The following CLN3 variants were observed in gnomAD, a reference collection of about 807,000 sequenced individuals.
CLN3 encodes battenin.
A neutral mutation model predicts 60.7 loss-of-function variants in CLN3; 49 were observed. That is an observed-to-expected ratio of 0.81 (90% confidence interval 0.64 to 1.02). The LOEUF (loss-of-function observed/expected upper bound fraction) is 1.02, where lower values mean the gene tolerates loss of function less well. Ranked by LOEUF, CLN3 falls within the 50% of genes least tolerant of loss-of-function variation. CLN3 has a pLI of 0.00. For synonymous variants in CLN3, 256 were observed against 245.8 expected (o/e 1.04, Z -0.39); for missense variants, 516 against 557.4 (o/e 0.93, Z 0.75).
chr16:28,488,635 G>T lies in CLN3; in HGVS notation c.250C>A (p.His84Asn), dbSNP rs201329358. Residue 84 changes from histidine to asparagine, a missense_variant, in exon 5 of 16, where the codon CAC becomes AAC. By Grantham distance (68) the His-to-Asn change is moderately conservative. Transcript: ENST00000636147. ...CAGTCAAATCGTGATGAGCTGTTGT[G>T]GGGGATCGGCGTTGGGCCTGGGTCC... is the stretch of plus-strand genomic sequence containing the variant. Reference protein sequence around the residue: ...HVDPGPTPIPHNSSSRFDCNS... With the variant: ...HVDPGPTPIPNNSSSRFDCNS... 29 of 1,614,186 alleles carry T rather than the reference G, an allele frequency of 1.8e-5. No individual in the cohort carries two copies. The African/African-American group carries it at 3.6e-4, about 20-fold the overall frequency.
rs373490479 is a variant in CLN3 at position 28,481,454 on chromosome 16, GCA to G, written c.1056+649_1056+650del. 8.3e-3 allele frequency among the ~76,000 whole-genome samples: 1,076 copies of G among 129,144 alleles called. 7 individuals carry two copies. Among genetic ancestry groups the G allele is most frequent in the South Asian group, 0.022 (87 of 3,888 alleles). The allele number at this position is 129,144 out of a possible 152,430, so 84.7% of individuals were successfully genotyped here. On this transcript the variant is annotated intron_variant, in intron 14 of 15. Coordinates refer to ENST00000636147, the MANE Select transcript of CLN3 (RefSeq NM_001042432.2). The stretch of plus-strand genomic sequence containing the variant: ...CACACACACACACACACACACACAC[GCA>G]CACACACACACACACACACTACAAA...
rs1467517533 is a variant in CLN3, at chr16:28,488,672, G to A, written c.223-10C>T. On this transcript the variant is annotated splice_polypyrimidine_tract_variant and intron_variant, in intron 4 of 15. Coordinates refer to ENST00000636147, the MANE Select transcript of CLN3 (RefSeq NM_001042432.2). ...TTGGGCCTGGGTCCACCTAATGGGA[G>A]AAAAGCATGTCTTTCACCCTGGAGG... 4 of 1,613,816 alleles carry A rather than the reference G, an allele frequency of 2.5e-6. No individual in the cohort carries two copies. The Admixed American group carries it at 6.7e-5, about 27-fold the overall frequency.
chr16:28,479,268 A>G (rs1245367535), intron 14 of CLN3, among the ~76,000 whole-genome samples: 2 of 152,206 alleles, frequency 1.3e-5, no homozygotes, highest in Non-Finnish European at 2.9e-5. Flanking sequence ...AATCTGAGGT[A>G]GACTTAAAGA....
chr16:28,478,151 A>C (rs2046027840), intron 14 of CLN3, among the ~76,000 whole-genome samples: 2 of 151,792 alleles, frequency 1.3e-5, no homozygotes, highest in Non-Finnish European at 1.5e-5. Context: ...CTCAACTAAA[A>C]ATACAAAAAT....
chr16:28,481,458 A>ACACACACACACACG (rs2046094315), intron 14 of CLN3, among the ~76,000 whole-genome samples: 12 of 129,048 alleles, frequency 9.3e-5, no homozygotes, highest in Middle Eastern at 3.6e-3. Context: ...ACACACGCAC[A>ACACACACACACACG]CACACACACA....
At chr16:28,475,273 C>A (rs1396093841), downstream of CLN3, 2 of 152,276 alleles carry the variant, frequency 1.3e-5, no homozygotes, top group African/African-American at 4.8e-5. Context: ...AAACAAAAAA[C>A]AAGGCCTCCA....
chr16:28,491,547 G>A lies in CLN3; in HGVS notation c.60C>T (p.Val20=). The change falls in exon 3 of 16, where the codon GTC becomes GTT. Residue 20 remains valine, a synonymous_variant. Coordinates refer to ENST00000636147, the MANE Select transcript of CLN3 (RefSeq NM_001042432.2). ...RFSDSEGEET[V]PEPRLPLLDH... Reference sequence around the variant, plus strand: ...CCAACAGAGGGAGCCGGGGCTCCGGGACGGTCTCCTCCCCTGGGAGAGCGA... The same window carrying A: ...CCAACAGAGGGAGCCGGGGCTCCGGAACGGTCTCCTCCCCTGGGAGAGCGA... The A allele has an allele frequency of 6.2e-7, 1 of 1,614,060 alleles. No individual in the cohort carries two copies. The highest frequency in any genetic ancestry group is 8.5e-7 in the Non-Finnish European group (1 of 1,180,022).
downstream of CLN3, chr16:28,476,561 AT>A (rs995156608): frequency 2.6e-5 from 4 of 152,128 alleles, no homozygotes; most frequent in African/African-American, 9.6e-5. Context: ...ATAAAAAAAA[AT>A]AATAAAATAA....
downstream of CLN3, among the ~76,000 whole-genome samples, chr16:28,473,305 G>C (rs1206982480): frequency 6.6e-6 from 1 of 152,014 alleles, no homozygotes; most frequent in Non-Finnish European, 1.5e-5. Flanking sequence ...TGCCCAGACT[G>C]GTCTTGAACT....
In CLN3 at chr16:28,486,722, G is replaced by C. The variant is rs968775797; in HGVS notation, c.461-72C>G. On this transcript the variant is annotated intron_variant, in intron 7 of 15. Coordinates refer to ENST00000636147, the MANE Select transcript of CLN3 (RefSeq NM_001042432.2). Reference sequence around the variant, plus strand: ...ACTGCCCAGGCCTCTAATGTGTCTGGCCATGGCCTCCTCAGTATCAGCTCA... The same window carrying C: ...ACTGCCCAGGCCTCTAATGTGTCTGCCCATGGCCTCCTCAGTATCAGCTCA... 2.1e-6 allele frequency: 3 copies of C among 1,413,264 alleles called. No homozygotes were observed. In the African/African-American group the frequency reaches 4.3e-5, roughly 20 times the overall value. The allele number at this position is 1,413,264 out of a possible 1,614,324, so 87.5% of individuals were successfully genotyped here. A position where few individuals can be genotyped will look rare whatever the true frequency, so the allele number is the denominator to read the frequency against.
chr16:28,486,720 T>G, intron 7 of CLN3, 70 bp from the exon 8 acceptor site: 1 of 1,414,892 alleles, frequency 7.1e-7, no homozygotes, highest in South Asian at 1.2e-5. Flanking sequence ...CTAATGTGTC[T>G]GGCCATGGCC....
chr16:28,470,904 C>T (rs1182543033), downstream of CLN3, among the ~76,000 whole-genome samples: 9 of 113,638 alleles, frequency 7.9e-5, no homozygotes, highest in African/African-American at 2.2e-4. Flanking sequence ...AAACCTTCTT[C>T]GGTCTGGGCC....
intron 14 of CLN3, 132 bp downstream of exon 14, chr16:28,481,973 C>A: frequency 1.5e-6 from 1 of 645,978 alleles, no homozygotes; most frequent in African/African-American, 1.9e-5. Context: ...GACGACAGAG[C>A]GAGACTCTGT....
At chr16:28,488,843 C>A (rs890591642) in intron 4 of CLN3, among the ~76,000 whole-genome samples, 181 bp from the exon 5 acceptor site, 1 of 152,200 alleles carries the variant, frequency 6.6e-6, no homozygotes, top group Non-Finnish European at 1.5e-5. Flanking sequence ...GAGTCTCACA[C>A]TACTAGACCA....
chr16:28,474,892 C>T (rs2045978917), downstream of CLN3, among the ~76,000 whole-genome samples: 1 of 152,062 alleles, frequency 6.6e-6, no homozygotes, highest in African/African-American at 2.4e-5. Context: ...CACTTGAGGC[C>T]AGGAGTTCCA....
rs376160790 is a variant in CLN3 at position 28,486,560 on chromosome 16, C to T, written c.533+18G>A. The stretch of plus-strand genomic sequence containing the variant: ...CATGGGACAGCCTCTCCCCACACTC[C>T]CTGCTCCACCTGCTTACCTGGGGTA... On this transcript the variant is annotated intron_variant, in intron 8 of 15. Transcript: ENST00000636147. 22 of 1,608,072 alleles carry T rather than the reference C, an allele frequency of 1.4e-5. No homozygotes were observed. Among genetic ancestry groups the T allele is most frequent in the Non-Finnish European group, 1.9e-5 (22 of 1,177,446 alleles).
At chr16:28,483,441 C>G (rs1019440072) in intron 10 of CLN3, among the ~76,000 whole-genome samples, 1 of 152,102 alleles carries the variant, frequency 6.6e-6, no homozygotes, top group African/African-American at 2.4e-5. Flanking sequence ...AGACTGGTCT[C>G]AAACTCTTGA....
At chr16:28,480,917 C>T (rs1414071296) in intron 14 of CLN3, among the ~76,000 whole-genome samples, 1 of 152,138 alleles carries the variant, frequency 6.6e-6, no homozygotes, top group Non-Finnish European at 1.5e-5. Context: ...TGCTCACCAC[C>T]CTCAAGATAA....
At chr16:28,480,993 C>T (rs1232693470) in intron 14 of CLN3, among the ~76,000 whole-genome samples, 1 of 152,306 alleles carries the variant, frequency 6.6e-6, no homozygotes, top group South Asian at 2.1e-4. Context: ...AAGAACTGTA[C>T]ATTTTCTTAT....
Sources: gnomAD v4.1 joint callset for allele counts (sites outside exome capture counted in the v4.1 genomes callset) on GRCh38, gnomAD v4.1.1 for gene constraint, MANE v1.5 for transcripts, NCBI Gene and HGNC (gene_info 2026-07-23, HGNC 2026-07-21) for gene names.